Variants in CPS1 observed in about 807,000 individuals in gnomAD.
The protein encoded by CPS1 is carbamoyl-phosphate synthase 1.
Under a neutral mutation model 174.6 loss-of-function variants are expected in CPS1, and 109 were observed. The observed-to-expected ratio is 0.62, with a 90% CI of 0.53 to 0.73. The LOEUF is 0.73. Ranked by LOEUF, CPS1 falls within the 30% of genes least tolerant of loss-of-function variation. CPS1 has a pLI of 0.00. For missense variants in CPS1, 1,689 were observed against 1,821.9 expected, an observed-to-expected ratio of 0.93 and a Z score of 1.33; for synonymous variants, 637 against 632.0, an observed-to-expected ratio of 1.01 and a Z score of -0.12.
intron 15 of CPS1, among the ~76,000 whole-genome samples, chr2:210,601,660 A>G (rs1223921658): frequency 6.6e-6 from 1 of 151,984 alleles, no homozygotes; most frequent in African/African-American, 2.4e-5. Flanking sequence ...TCCATGACAG[A>G]AAAATATAGC....
At chr2:210,510,706 A>G (rs1403628847) in intron 1 of CPS1, among the ~76,000 whole-genome samples, 4 of 152,186 alleles carry the variant, frequency 2.6e-5, no homozygotes, top group African/African-American at 9.6e-5. Context: ...CAACCCCATC[A>G]ACAAGTGGGC....
At chr2:210,639,250 C>T (rs1700133627) in intron 23 of CPS1, 35 bp downstream of exon 23, 2 of 1,466,934 alleles carry the variant, frequency 1.4e-6, no homozygotes, top group Non-Finnish European at 1.9e-6. Flanking sequence ...CCAGAAAGCT[C>T]TAGATTTCAT....
At chr2:210,495,539 T>G (rs1345186739) in intron 1 of CPS1, among the ~76,000 whole-genome samples, 1 of 152,194 alleles carries the variant, frequency 6.6e-6, no homozygotes, top group Non-Finnish European at 1.5e-5. Context: ...CCCCAGCTTT[T>G]CTTCTTGTGG....
Position 210,546,799 on chromosome 2 carries a change from G to A in CPS1, c.4-9920G>A, listed in dbSNP as rs748092470. 1.2e-4 allele frequency among the ~76,000 whole-genome samples: 19 copies of A among 152,144 alleles called. No homozygotes were observed. In the South Asian group the frequency reaches 2.1e-3, roughly 17 times the overall value. ...TTAAGCCACAGTAAGGTTCAGTTAC[G>A]TATTTTATTGTTTTATAATCACACA... On this transcript the variant is annotated intron_variant, in intron 1 of 38. Coordinates refer to the CPS1 transcript ENST00000430249.
At chr2:210,504,997 T>C (rs1695239066) in intron 1 of CPS1, among the ~76,000 whole-genome samples, 1 of 151,862 alleles carries the variant, frequency 6.6e-6, no homozygotes, top group African/African-American at 2.4e-5. Flanking sequence ...TTTGGGAGCT[T>C]TTTCTCGTTG....
chr2:210,612,415 A>G (rs1574592273), intron 20 of CPS1, 122 bp downstream of exon 20: 2 of 941,590 alleles, frequency 2.1e-6, no homozygotes, highest in Non-Finnish European at 3.4e-6. Flanking sequence ...AAAATTTTTA[A>G]TTCTTTTATA....
rs371187897 is a variant in CPS1 at position 210,593,758 on chromosome 2, A to G, written c.1165-750A>G. The G allele has an allele frequency of 1.2e-5, 8 of 691,352 alleles. No homozygotes were observed. In the East Asian group the frequency reaches 6.7e-4, roughly 58 times the overall value. The allele number at this position is 691,352 out of a possible 1,614,324, so 42.8% of individuals were successfully genotyped here. On this transcript the variant is annotated intron_variant, in intron 11 of 37. Coordinates refer to ENST00000233072, the MANE Select transcript of CPS1 (RefSeq NM_001875.5). ...GTCTGAATTGCCGTTTTAGATATTT[A>G]TATTTTGTTCTTGTTTTAATATTAT...
chr2:210,592,778 C>A, intron 10 of CPS1, 101 bp from the exon 11 acceptor site: 1 of 1,164,028 alleles, frequency 8.6e-7, no homozygotes, highest in Non-Finnish European at 1.3e-6. Context: ...GCATCTAACT[C>A]AGTTTTTAAA....
chr2:210,563,012 G>A (rs951664321), intron 1 of CPS1, among the ~76,000 whole-genome samples: 1 of 151,972 alleles, frequency 6.6e-6, no homozygotes, highest in African/African-American at 2.4e-5. Flanking sequence ...TGTAAGTGCT[G>A]AAGTTAAAAC....
rs78750566 is a variant in CPS1, at chr2:210,538,340, A to C, written c.4-18379A>C. ...ATAATTATAGTGCCACATTTGAAAT[A>C]TCCTACTTTTGTATATTACAGATTG... On this transcript the variant is annotated intron_variant, in intron 1 of 38. Transcript: ENST00000430249. 1.2e-3 allele frequency among the ~76,000 whole-genome samples: 180 copies of C among 152,254 alleles called. 4 individuals carry two copies. The East Asian group carries it at 0.031, about 27-fold the overall frequency.
chr2:210,554,199 ATATG>A (rs1559073494), upstream of CPS1, among the ~76,000 whole-genome samples: 15 of 140,516 alleles, frequency 1.1e-4, no homozygotes, highest in African/African-American at 3.3e-4. Flanking sequence ...ACACATATAT[ATATG>A]TATGTATATA....
chr2:210,480,021 G>A (rs1173811102), intron 1 of CPS1, among the ~76,000 whole-genome samples: 1 of 152,124 alleles, frequency 6.6e-6, no homozygotes, highest in Non-Finnish European at 1.5e-5. Flanking sequence ...TGAAAACTAT[G>A]TTAGTTACAA....
chr2:210,579,752 T>C lies in CPS1; in HGVS notation c.510T>C (p.Thr170=). The C allele has an allele frequency of 6.2e-7, 1 of 1,613,080 alleles. No individual in the cohort carries two copies. The highest frequency in any genetic ancestry group is 8.5e-7 in the Non-Finnish European group (1 of 1,179,622). ...AIYGVDTRML[T]KIIRDKGTML... is the part of the protein sequence containing the mutation. The stretch of plus-strand genomic sequence containing the variant: ...ATGGAGTGGACACAAGAATGCTGAC[T>C]AAAATAATTCGGGATAAGGTATAAT... Residue 170 remains threonine, a synonymous_variant, in exon 5 of 38, where the codon ACT becomes ACC. Transcript: ENST00000233072.
At position 210,592,917 on chromosome 2, in the gene CPS1, G is replaced by T. The variant is rs1051336644; in HGVS notation, c.1125G>T (p.Gln375His). 1 of 1,612,330 alleles carries T rather than the reference G, an allele frequency of 6.2e-7. No individual in the cohort carries two copies. The highest frequency in any genetic ancestry group is 2.2e-5 in the East Asian group (1 of 44,754). ...MHESKPFFAV[Q>H]FHPEVTPGPI... ...AGAGCAAACCCTTCTTCGCTGTGCA[G>T]TTCCACCCAGAGGTCACCCCGGGGC... The change falls in exon 11 of 38, where the codon CAG becomes CAT. Residue 375 changes from glutamine to histidine, a missense_variant. By Grantham distance (24) the Gln-to-His change is conservative. Coordinates refer to ENST00000233072, the MANE Select transcript of CPS1 (RefSeq NM_001875.5).
At chr2:210,502,535 A>G (rs1031717462) in intron 1 of CPS1, among the ~76,000 whole-genome samples, 2 of 149,812 alleles carry the variant, frequency 1.3e-5, no homozygotes, top group Non-Finnish European at 3.0e-5. Context: ...ACACATATAT[A>G]CATATAATGT....
Position 210,599,489 on chromosome 2 carries a change from A to G in CPS1, c.1477A>G (p.Thr493Ala). 1 of 1,612,606 alleles carries G rather than the reference A, an allele frequency of 6.2e-7. No homozygotes were observed. The highest frequency in any genetic ancestry group is 8.5e-7 in the Non-Finnish European group (1 of 1,179,082). ...YFLPITPQFV[T>A]EVIKAEQPDG... is the part of the protein sequence containing the mutation. The stretch of plus-strand genomic sequence containing the variant: ...TCTTCCCATCACCCCTCAGTTTGTC[A>G]CAGAGGTCATCAAGGCAGAACAGCC... The change falls in exon 14 of 38, where the codon ACA becomes GCA. Residue 493 changes from threonine (T) to alanine (A), a missense_variant. Physicochemically the swap from Thr to Ala is moderately conservative, Grantham distance 58 (BLOSUM62 0). Coordinates refer to ENST00000233072, the MANE Select transcript of CPS1 (RefSeq NM_001875.5).
At chr2:210,675,874 T>G in intron 36 of CPS1, 34 bp downstream of exon 36, 1 of 992,904 alleles carries the variant, frequency 1.0e-6, no homozygotes, top group Non-Finnish European at 1.6e-6. Flanking sequence ...CTGAAATAAT[T>G]TAGAGGATTA....
In CPS1 at chr2:210,677,367, C is replaced by G. The variant is rs57703706; in HGVS notation, c.4404+231C>G. ...TCAAAGGCCATGAATGGCCATGGCT[C>G]TCTCCTTACAATTATCCTTTGAATA... On this transcript the variant is annotated intron_variant, in intron 37 of 37. Coordinates refer to ENST00000233072, the MANE Select transcript of CPS1 (RefSeq NM_001875.5). 5.4e-3 allele frequency among the ~76,000 whole-genome samples: 817 copies of G among 152,330 alleles called. 7 individuals are homozygous for G. Among genetic ancestry groups the G allele is most frequent in the African/African-American group, 0.019 (773 of 41,566 alleles).
At chr2:210,587,886 C>T (rs935824869) in intron 6 of CPS1, among the ~76,000 whole-genome samples, 172 bp from the exon 7 acceptor site, 2 of 152,046 alleles carry the variant, frequency 1.3e-5, no homozygotes, top group African/African-American at 4.8e-5. Context: ...CAGTCTGTGG[C>T]ACTTGTTGTG....
Sources: gnomAD v4.1 joint callset for allele counts (sites outside exome capture counted in the v4.1 genomes callset) on GRCh38, gnomAD v4.1.1 for gene constraint, MANE v1.5 for transcripts, NCBI Gene and HGNC (gene_info 2026-07-23, HGNC 2026-07-21) for gene names.